Variants in FHIT observed in about 807,000 individuals in gnomAD.
The protein encoded by FHIT is bis(5'-adenosyl)-triphosphatase.
A neutral mutation model predicts 17.9 loss-of-function variants in FHIT; 19 were observed. That is an observed-to-expected ratio of 1.06 (90% CI 0.74 to 1.56). The LOEUF is 1.56. Ranked by LOEUF, FHIT falls within the 40% of genes most tolerant of loss-of-function variation. The pLI is 0.00. For missense variants in FHIT, 248 were observed against 189.2 expected, an observed-to-expected ratio of 1.31 and a Z score of -1.82; for synonymous variants, 81 against 69.7, an observed-to-expected ratio of 1.16 and a Z score of -0.81.
intron 5 of FHIT, among the ~76,000 whole-genome samples, chr3:60,268,571 A>G (rs1254966747): frequency 6.6e-6 from 1 of 152,246 alleles, no homozygotes; most frequent in Non-Finnish European, 1.5e-5. Flanking sequence ...AGAATTTGCA[A>G]TTATGTATTA....
At chr3:60,323,217 G>A (rs1189183829) in intron 5 of FHIT, among the ~76,000 whole-genome samples, 1 of 151,982 alleles carries the variant, frequency 6.6e-6, no homozygotes, top group African/African-American at 2.4e-5. Flanking sequence ...ACACCACCGG[G>A]AATCACTGTT....
chr3:61,243,190 G>A (rs1047867996), intron 1 of FHIT, among the ~76,000 whole-genome samples: 1 of 152,136 alleles, frequency 6.6e-6, no homozygotes, highest in African/African-American at 2.4e-5. Context: ...TTGCAAAGGA[G>A]GTTTCACTTT....
intron 3 of FHIT, among the ~76,000 whole-genome samples, chr3:60,988,110 A>G (rs1428004570): frequency 6.6e-6 from 1 of 152,206 alleles, no homozygotes; most frequent in East Asian, 1.9e-4. Flanking sequence ...TACTGCTTTA[A>G]AAATCAGATG....
intron 3 of FHIT, among the ~76,000 whole-genome samples, chr3:61,008,385 T>G (rs900618535): frequency 6.6e-6 from 1 of 152,184 alleles, no homozygotes; most frequent in Non-Finnish European, 1.5e-5. Context: ...AAGGCTGCAG[T>G]TGGCAAGGGC....
intron 5 of FHIT, among the ~76,000 whole-genome samples, chr3:60,492,270 T>A (rs1295570555): frequency 2.6e-5 from 4 of 152,210 alleles, no homozygotes; most frequent in African/African-American, 9.6e-5. Context: ...AATACAAACA[T>A]TCAGCATTTA....
In FHIT at chr3:60,058,143, T is replaced by G. The variant is rs967541414; in HGVS notation, c.104-43991A>C. The stretch of plus-strand genomic sequence containing the variant: ...GTACAGAGTTGTGTTTTTTTTTTTT[T>G]TTTTTTTTTTTTTTTGAGACAGAGT... On this transcript the variant is annotated intron_variant, in intron 5 of 9. Transcript: ENST00000492590. Among the ~76,000 whole-genome samples, 1,248 of 135,720 alleles carry G rather than the reference T, an allele frequency of 9.2e-3. 18 individuals are homozygous for G. Among genetic ancestry groups the G allele is most frequent in the African/African-American group, 0.033 (1,179 of 35,938 alleles). The allele number at this position is 135,720 out of a possible 152,430, so 89.0% of individuals were successfully genotyped here.
At chr3:60,155,309 C>T (rs1314142973) in intron 5 of FHIT, among the ~76,000 whole-genome samples, 1 of 152,096 alleles carries the variant, frequency 6.6e-6, no homozygotes. Context: ...TTCTTTGAAC[C>T]CTGAATTGCT....
intron 1 of FHIT, among the ~76,000 whole-genome samples, chr3:61,230,216 G>A (rs905588324): frequency 4.6e-5 from 7 of 152,184 alleles, no homozygotes; most frequent in South Asian, 4.1e-4. Flanking sequence ...AGTGTCAGAG[G>A]TGGAGCCTAG....
At chr3:61,232,282 G>A (rs1474549737) in intron 1 of FHIT, among the ~76,000 whole-genome samples, 2 of 152,192 alleles carry the variant, frequency 1.3e-5, no homozygotes, top group Admixed American at 1.3e-4. Context: ...AGCTTCTTGG[G>A]AGGCTGAGGC....
chr3:59,819,683 T>C (rs967846608), intron 8 of FHIT, among the ~76,000 whole-genome samples: 2 of 152,214 alleles, frequency 1.3e-5, no homozygotes, highest in South Asian at 2.1e-4. Flanking sequence ...ACCATCATTA[T>C]ACAAATGGAA....
chr3:60,569,751 A>ATTTTTTTTT (rs1272456475), intron 4 of FHIT, among the ~76,000 whole-genome samples: 1 of 69,782 alleles, frequency 1.4e-5, no homozygotes, highest in African/African-American at 6.1e-5. Context: ...ATATATATAT[A>ATTTTTTTTT]TATATTTTTT....
intron 2 of FHIT, among the ~76,000 whole-genome samples, chr3:61,060,889 C>T (rs2034404445): frequency 6.6e-6 from 1 of 152,200 alleles, no homozygotes; most frequent in South Asian, 2.1e-4. Context: ...TCAATTAAGT[C>T]TTAGGATTGG....
chr3:61,211,950 T>A (rs1472732593), intron 1 of FHIT, among the ~76,000 whole-genome samples: 1 of 152,146 alleles, frequency 6.6e-6, no homozygotes. Context: ...GAGGGTCCTG[T>A]CTCGTAGAAG....
intron 5 of FHIT, among the ~76,000 whole-genome samples, chr3:60,240,527 G>A (rs1252262324): frequency 2.0e-5 from 3 of 152,040 alleles, no homozygotes; most frequent in Admixed American, 1.3e-4. Flanking sequence ...CACACATAAC[G>A]AGAAAAAACA....
At chr3:60,768,770 T>A (rs1194461044) in intron 4 of FHIT, among the ~76,000 whole-genome samples, 2 of 152,152 alleles carry the variant, frequency 1.3e-5, no homozygotes, top group African/African-American at 4.8e-5. Context: ...AGTGATGAGG[T>A]CAGAGAATGC....
At chr3:61,016,671 C>A (rs994925060) in intron 3 of FHIT, among the ~76,000 whole-genome samples, 1 of 152,192 alleles carries the variant, frequency 6.6e-6, no homozygotes, top group Non-Finnish European at 1.5e-5. Context: ...ACCCTCAGCT[C>A]CATGGCTCCA....
chr3:59,860,467 G>T (rs112788875), intron 8 of FHIT, among the ~76,000 whole-genome samples: 4 of 152,172 alleles, frequency 2.6e-5, no homozygotes, highest in African/African-American at 4.8e-5. Flanking sequence ...TTGGAGAAAA[G>T]TTGAATAAAT....
At chr3:60,492,544 T>C (rs1157834844) in intron 5 of FHIT, among the ~76,000 whole-genome samples, 1 of 151,596 alleles carries the variant, frequency 6.6e-6, no homozygotes, top group Non-Finnish European at 1.5e-5. Flanking sequence ...TCTCACTCTG[T>C]TGCCCAGGCT....
At chr3:60,649,945 T>C (rs2039952938) in intron 4 of FHIT, among the ~76,000 whole-genome samples, 1 of 152,298 alleles carries the variant, frequency 6.6e-6, no homozygotes, top group Non-Finnish European at 1.5e-5. Context: ...TGTCCCATAA[T>C]GGCTTCTGTT....
Sources: gnomAD v4.1 joint callset for allele counts (sites outside exome capture counted in the v4.1 genomes callset) on GRCh38, gnomAD v4.1.1 for gene constraint, MANE v1.5 for transcripts, NCBI Gene and HGNC (gene_info 2026-07-23, HGNC 2026-07-21) for gene names.